Variants in TIAM2 observed in about 807,000 individuals in gnomAD.
TIAM2 encodes the protein rho guanine nucleotide exchange factor TIAM2.
A neutral mutation model predicts 152.9 loss-of-function variants in TIAM2; 80 were observed. That is an observed-to-expected ratio of 0.52 (90% confidence interval 0.44 to 0.63). The LOEUF (loss-of-function observed/expected upper bound fraction) is 0.63. Ranked by LOEUF, TIAM2 falls within the 30% of genes least tolerant of loss-of-function variation. The pLI is 0.00. For synonymous variants in TIAM2, 804 were observed against 838.0 expected (o/e 0.96, Z 0.70); for missense variants, 1,965 against 2,120.1 (o/e 0.93, Z 1.44).
rs1779415271 is a variant in TIAM2, at chr6:155,130,228, T to G, written c.1005T>G (p.Phe335Leu). Residue 335 changes from phenylalanine (F) to leucine (L), a missense_variant, in exon 4 of 27, where the codon TTT becomes TTG. Phe to Leu is a conservative substitution (Grantham distance 22). Coordinates refer to ENST00000682666, the MANE Select transcript of TIAM2 (RefSeq NM_012454.4). ...CCAGCCTGAGCAACCGTGTCTCTTT[T>G]GCTTCCGACATTGATGTGCCCTCCA... ...THASLSNRVS[F>L]ASDIDVPSRV... 9.3e-6 allele frequency: 15 copies of G among 1,614,098 alleles called. No homozygotes were observed. The highest frequency in any genetic ancestry group is 1.1e-5 in the Non-Finnish European group (13 of 1,180,052).
intron 15 of TIAM2, chr6:155,232,937 T>A (rs1417911881): frequency 1.3e-5 from 2 of 152,178 alleles, no homozygotes; most frequent in Admixed American, 6.5e-5. Flanking sequence ...TACCCCAAAT[T>A]ACGCAGCACT....
chr6:155,198,016 T>G (rs1008542362), intron 14 of TIAM2, among the ~76,000 whole-genome samples: 2 of 152,220 alleles, frequency 1.3e-5, no homozygotes, highest in African/African-American at 4.8e-5. Flanking sequence ...TATCATTTTT[T>G]GGGATCTCTG....
At chr6:155,245,869 C>G in intron 19 of TIAM2, 138 bp downstream of exon 19, 1 of 511,744 alleles carries the variant, frequency 2.0e-6, no homozygotes, top group Non-Finnish European at 3.3e-6. Context: ...TTGACAGTGG[C>G]AAATATTAAA....
intron 7 of TIAM2, among the ~76,000 whole-genome samples, chr6:155,153,256 A>T (rs777940959): frequency 1.3e-5 from 2 of 151,142 alleles, no homozygotes; most frequent in Admixed American, 1.3e-4. Context: ...CCGTACATGC[A>T]CTCCCTTTCT....
At chr6:155,164,648 G>A (rs776820182) in intron 8 of TIAM2, 48 bp downstream of exon 8, 10 of 1,561,430 alleles carry the variant, frequency 6.4e-6, no homozygotes, top group African/African-American at 1.4e-5. Flanking sequence ...GGAGGGCTGC[G>A]GATGCTCCCC....
At chr6:155,104,954 T>A (rs1778647907) in intron 2 of TIAM2, among the ~76,000 whole-genome samples, 1 of 152,068 alleles carries the variant, frequency 6.6e-6, no homozygotes, top group African/African-American at 2.4e-5. Flanking sequence ...TTCTGTTGGA[T>A]ATGTAGATCC....
At position 155,029,647 on chromosome 6, in the gene TIAM2, CTATA is replaced by C. The variant is rs530021674; in HGVS notation, c.-209+34160_-209+34163del. 5.2e-3 allele frequency among the ~76,000 whole-genome samples: 499 copies of C among 95,384 alleles called. 5 individuals carry two copies. The highest frequency in any genetic ancestry group is 0.018 in the African/African-American group (474 of 26,274). The allele number at this position is 95,384 out of a possible 152,430, so 62.6% of individuals were successfully genotyped here. A position where few individuals can be genotyped will look rare whatever the true frequency, so the allele number is the denominator to read the frequency against. ...TATATAACTATATATAGTTATATAA[CTATA>C]TATAGAGTTATATAACTATATACAG... On this transcript the variant is annotated intron_variant, in intron 1 of 26. Coordinates refer to ENST00000682666, the MANE Select transcript of TIAM2 (RefSeq NM_012454.4).
intron 23 of TIAM2, among the ~76,000 whole-genome samples, chr6:155,252,364 G>A (rs766396314): frequency 2.3e-4 from 35 of 152,300 alleles, no homozygotes; most frequent in Non-Finnish European, 4.0e-4. Context: ...AGCTACTCGG[G>A]AGGCTGAGGC....
At chr6:155,110,332 T>TTTTTTTTTTG (rs1244132833) in intron 2 of TIAM2, among the ~76,000 whole-genome samples, 1 of 137,442 alleles carries the variant, frequency 7.3e-6, no homozygotes, top group Non-Finnish European at 1.6e-5. Flanking sequence ...TTTTTTTTGT[T>TTTTTTTTTTG]GTTCTTTCTT....
chr6:155,106,512 G>A (rs1778693313), intron 2 of TIAM2, among the ~76,000 whole-genome samples: 1 of 152,098 alleles, frequency 6.6e-6, no homozygotes, highest in Non-Finnish European at 1.5e-5. Context: ...CTCTAGCAAG[G>A]AACACAAGTA....
intron 4 of TIAM2, among the ~76,000 whole-genome samples, chr6:155,134,401 C>G (rs1307673894): frequency 2.1e-5 from 3 of 144,514 alleles, no homozygotes; most frequent in Non-Finnish European, 4.5e-5. Context: ...CCCCCCACCC[C>G]CCCCCATTTC....
chr6:155,081,511 G>C (rs1373063343), intron 1 of TIAM2, among the ~76,000 whole-genome samples: 1 of 152,022 alleles, frequency 6.6e-6, no homozygotes, highest in Non-Finnish European at 1.5e-5. Context: ...AATGCACTTG[G>C]CTCAGTCAAC....
chr6:155,164,265 T>G, intron 7 of TIAM2, 150 bp from the exon 8 acceptor site: 53 of 602,546 alleles, frequency 8.8e-5, no homozygotes, highest in Middle Eastern at 4.9e-4. Flanking sequence ...TGGGAGGGAT[T>G]GAGATGGGGT....
chr6:155,169,005 T>C, intron 9 of TIAM2: 1 of 1,316,490 alleles, frequency 7.6e-7, no homozygotes, highest in East Asian at 2.6e-5. Context: ...TGTTTTTGTT[T>C]TTGTTTTTGA....
At chr6:155,167,523 GTAATT>G (rs1400306189) in intron 9 of TIAM2, among the ~76,000 whole-genome samples, 2 of 152,080 alleles carry the variant, frequency 1.3e-5, no homozygotes, top group South Asian at 4.1e-4. Context: ...TGACCAGCCT[GTAATT>G]TAATTTAATT....
At chr6:155,059,282 C>CTCTGTGTGTGTGTG (rs754941565) in intron 1 of TIAM2, among the ~76,000 whole-genome samples, 3 of 144,104 alleles carry the variant, frequency 2.1e-5, no homozygotes, top group African/African-American at 8.0e-5. Context: ...ATGTCCCTTT[C>CTCTGTGTGTGTGTG]TGTGTGTGTG....
At chr6:155,187,573 C>CTTTTTTTTTTTTTTTTTTT (rs59818801) in intron 14 of TIAM2, among the ~76,000 whole-genome samples, 7 of 49,622 alleles carry the variant, frequency 1.4e-4, no homozygotes, top group Admixed American at 2.8e-4. Flanking sequence ...ACCCCGCCCC[C>CTTTTTTTTTTTTTTTTTTT]TTTTTTTTTT....
intron 1 of TIAM2, among the ~76,000 whole-genome samples, chr6:155,063,827 C>T (rs940628275): frequency 1.4e-5 from 2 of 147,426 alleles, no homozygotes. Context: ...AAGACTTGTG[C>T]ACTTTATCCC....
intron 1 of TIAM2, among the ~76,000 whole-genome samples, chr6:155,067,485 A>G (rs922000759): frequency 3.9e-5 from 6 of 152,124 alleles, no homozygotes; most frequent in African/African-American, 1.2e-4. Flanking sequence ...AGAAATCTGG[A>G]AAGTTCCCAC....
Sources: allele counts gnomAD v4.1 joint callset (sites outside exome capture counted in the v4.1 genomes callset), GRCh38; gene constraint gnomAD v4.1.1; transcripts MANE v1.5; gene names NCBI Gene and HGNC (gene_info 2026-07-23, HGNC 2026-07-21).